Variants in MGA observed in about 807,000 individuals in gnomAD.
The protein encoded by MGA is MAX gene-associated protein.
MGA carries 40 observed loss-of-function variants against 261.1 expected under a neutral mutation model. That is an observed-to-expected ratio of 0.15 (90% CI 0.12 to 0.20). The LOEUF is 0.20. Ranked by LOEUF, MGA falls within the 10% of genes least tolerant of loss-of-function variation. The probability of loss-of-function intolerance (pLI) is 1.00; values close to 1 mark genes in which losing one functional copy is unlikely to be tolerated. For synonymous variants in MGA, 1,302 were observed against 1,290.6 expected (o/e 1.01, Z -0.19); for missense variants, 3,397 against 3,630.5 (o/e 0.94, Z 1.65).
chr15:41,751,168 G>A (rs1779735857), intron 17 of MGA: 1 of 152,096 alleles, frequency 6.6e-6, no homozygotes, highest in South Asian at 2.1e-4. Context: ...CTAGACTTTG[G>A]TCTTCGTCCT....
upstream of MGA, among the ~76,000 whole-genome samples, chr15:41,656,404 T>C (rs1004713325): frequency 5.3e-5 from 6 of 112,774 alleles, no homozygotes; most frequent in Non-Finnish European, 1.2e-4. Context: ...TGCAGTGGCA[T>C]GATCTTGACT....
chr15:41,708,914 G>A (rs571783479), intron 7 of MGA, among the ~76,000 whole-genome samples: 3 of 152,224 alleles, frequency 2.0e-5, no homozygotes, highest in South Asian at 2.1e-4. Context: ...GCTTTTCCTT[G>A]TTCACTGCAT....
chr15:41,752,557 T>G (rs908276962), intron 17 of MGA, among the ~76,000 whole-genome samples: 20 of 147,386 alleles, frequency 1.4e-4, no homozygotes, highest in African/African-American at 5.0e-4. Context: ...AAGTTTTTTT[T>G]TTTTTTTTTT....
chr15:41,625,609 G>T (rs1217519604), intron 1 of MGA, among the ~76,000 whole-genome samples: 1 of 152,108 alleles, frequency 6.6e-6, no homozygotes, highest in Non-Finnish European at 1.5e-5. Context: ...AGCTACTCAG[G>T]AGGCTGAGGC....
chr15:41,655,133 T>G (rs1281926399), intron 1 of MGA, among the ~76,000 whole-genome samples: 1 of 152,008 alleles, frequency 6.6e-6, no homozygotes, highest in Non-Finnish European at 1.5e-5. Context: ...GGTATTTGCA[T>G]GTAACCCATG....
chr15:41,740,390 G>T (rs370592231), intron 14 of MGA, among the ~76,000 whole-genome samples, 187 bp downstream of exon 14: 18 of 152,174 alleles, frequency 1.2e-4, no homozygotes, highest in African/African-American at 4.1e-4. Flanking sequence ...AATATTAGAT[G>T]AATTGAGTTG....
At chr15:41,711,776 A>C (rs1366481192) in intron 8 of MGA, among the ~76,000 whole-genome samples, 1 of 151,758 alleles carries the variant, frequency 6.6e-6, no homozygotes, top group Non-Finnish European at 1.5e-5. Flanking sequence ...GCTCACTGCA[A>C]CCTCCGCCTC....
chr15:41,759,213 A>C (rs1041177350), intron 19 of MGA, among the ~76,000 whole-genome samples: 1 of 152,216 alleles, frequency 6.6e-6, no homozygotes, highest in African/African-American at 2.4e-5. Context: ...TGGGATGATA[A>C]GATGGTAAGA....
Position 41,749,835 on chromosome 15 carries a change from T to C in MGA, c.6228T>C (p.Ser2076=). 1 of 1,613,574 alleles carries C rather than the reference T, an allele frequency of 6.2e-7. No homozygotes were observed. Among genetic ancestry groups the C allele is most frequent in the Non-Finnish European group, 8.5e-7 (1 of 1,179,826 alleles). Residue 2076 remains serine, a synonymous_variant, in exon 17 of 24, where the codon AGT becomes AGC. Coordinates refer to ENST00000219905, the MANE Select transcript of MGA (RefSeq NM_001164273.2). ...AATATGGGGCTAGGAATCGTAAGAGTTCCAAAGAAAAAGTGGCTGTTCTGG... is the reference window on the plus strand; with the variant it reads ...AATATGGGGCTAGGAATCGTAAGAGCTCCAAAGAAAAAGTGGCTGTTCTGG...
At position 41,750,266 on chromosome 15, in the gene MGA, G is replaced by C. The variant is rs1370719012; in HGVS notation, c.6659G>C (p.Gly2220Ala). The change falls in exon 17 of 24, where the codon GGC becomes GCC. Residue 2220 changes from glycine to alanine, a missense_variant. Gly to Ala is a moderately conservative substitution (Grantham distance 60, BLOSUM62 0). Coordinates refer to ENST00000219905, the MANE Select transcript of MGA (RefSeq NM_001164273.2). ...TCAGATGTGTTTCAGCAAGAACAAG[G>C]CATCTCTGACTTACTTGGAAAAAGT... 1.9e-6 allele frequency: 3 copies of C among 1,613,954 alleles called. No individual in the cohort carries two copies. The highest frequency in any genetic ancestry group is 2.5e-6 in the Non-Finnish European group (3 of 1,179,904).
chr15:41,655,544 C>CT (rs911420386), upstream of MGA, among the ~76,000 whole-genome samples: 4 of 151,976 alleles, frequency 2.6e-5, no homozygotes, highest in Admixed American at 6.6e-5. Context: ...AATAGTTATA[C>CT]TTTTTTTTAT....
chr15:41,632,080 A>G (rs2056600427), intron 1 of MGA, among the ~76,000 whole-genome samples: 2 of 152,188 alleles, frequency 1.3e-5, no homozygotes, highest in African/African-American at 4.8e-5. Flanking sequence ...TCACTACCTC[A>G]TAGTTTATCT....
chr15:41,730,115 A>T (rs983563361), intron 11 of MGA, among the ~76,000 whole-genome samples: 1 of 152,074 alleles, frequency 6.6e-6, no homozygotes, highest in Non-Finnish European at 1.5e-5. Flanking sequence ...GCTGGTCTCG[A>T]ACTCCTGACC....
At chr15:41,748,188 T>G (rs1468389287) in intron 15 of MGA, among the ~76,000 whole-genome samples, 1 of 152,020 alleles carries the variant, frequency 6.6e-6, no homozygotes, top group Non-Finnish European at 1.5e-5. Flanking sequence ...ACCAAGGAGT[T>G]TGAGACTGCA....
At chr15:41,745,208 T>C (rs1003938883) in intron 15 of MGA, among the ~76,000 whole-genome samples, 6 of 149,626 alleles carry the variant, frequency 4.0e-5, no homozygotes, top group Non-Finnish European at 8.9e-5. Context: ...AGAGACAGCA[T>C]TGACCTTCCC....
At position 41,761,790 on chromosome 15, in the gene MGA, C is replaced by T; in HGVS notation, c.7450C>T (p.Gln2484Ter). The change falls in exon 21 of 24, where the codon CAG (glutamine) becomes TAG (stop). Residue 2484 changes from glutamine to a stop codon, truncating the protein, a stop_gained. Coordinates refer to ENST00000219905, the MANE Select transcript of MGA (RefSeq NM_001164273.2). LOFTEE classifies it high-confidence loss of function. ...AGATCAGGCAGACAAATTGATAGGA[C>T]AGAAAAATCTCCTGACTCGAAAACG... The T allele has an allele frequency of 6.2e-7, 1 of 1,600,662 alleles. No homozygotes were observed. Among genetic ancestry groups the T allele is most frequent in the Non-Finnish European group, 8.5e-7 (1 of 1,173,088 alleles).
In MGA at chr15:41,743,035, C is replaced by G; in HGVS notation, c.5075C>G (p.Ser1692Cys). The change falls in exon 15 of 24, where the codon TCC (serine) becomes TGC (cysteine). Residue 1692 changes from serine (S) to cysteine (C), a missense_variant. Around this residue, in one of 9 missense-constraint regions of MGA, gnomAD observed 1,410 missense variants for 1,386.4 expected, o/e 1.02. Transcript: ENST00000219905. ...TCAACCATAACTCTTCCTGTTGCTT[C>G]CACTGCTTCCACCTCCTTAGTCGTG... 2 of 1,613,996 alleles carry G rather than the reference C, an allele frequency of 1.2e-6. No individual in the cohort carries two copies. Among genetic ancestry groups the G allele is most frequent in the Non-Finnish European group, 1.7e-6 (2 of 1,179,894 alleles).
At chr15:41,632,953 ATT>A (rs1341133357) in intron 1 of MGA, among the ~76,000 whole-genome samples, 3 of 144,384 alleles carry the variant, frequency 2.1e-5, no homozygotes, top group Non-Finnish European at 1.5e-5. Context: ...ATTTCATGTA[ATT>A]TTTTTTTTTT....
chr15:41,714,082 G>C (rs995398832), intron 9 of MGA, among the ~76,000 whole-genome samples: 4 of 151,948 alleles, frequency 2.6e-5, no homozygotes, highest in African/African-American at 9.7e-5. Context: ...TTTGTATTTT[G>C]TTCAAATGTA....
Sources: gnomAD v4.1 joint callset for allele counts (sites outside exome capture counted in the v4.1 genomes callset) on GRCh38, gnomAD v4.1.1 for gene constraint, gnomAD v4.1.1 regional missense constraint, MANE v1.5 for transcripts, NCBI Gene and HGNC (gene_info 2026-07-23, HGNC 2026-07-21) for gene names.